Variants in WWC2 observed in about 807,000 individuals in gnomAD.
The protein encoded by WWC2 is protein WWC2.
Under a neutral mutation model 138.5 loss-of-function variants are expected in WWC2, and 101 were observed. The observed-to-expected ratio is 0.73, with a 90% CI of 0.62 to 0.86. The LOEUF (loss-of-function observed/expected upper bound fraction) is 0.86, where lower values mean the gene tolerates loss of function less well. WWC2 is among the 40% of genes least tolerant of loss of function. WWC2 has a pLI of 0.00. For synonymous variants in WWC2, 558 were observed against 538.4 expected (o/e 1.04, Z -0.50); for missense variants, 1,420 against 1,419.4 (o/e 1.00, Z -0.01).
chr4:183,139,729 A>T (rs925221454), intron 1 of WWC2, among the ~76,000 whole-genome samples: 1 of 152,198 alleles, frequency 6.6e-6, no homozygotes, highest in Non-Finnish European at 1.5e-5. Flanking sequence ...GTACACACAC[A>T]TATGCATTCA....
At chr4:183,117,305 C>G (rs577322453) in intron 1 of WWC2, among the ~76,000 whole-genome samples, 4 of 147,020 alleles carry the variant, frequency 2.7e-5, no homozygotes, top group African/African-American at 1.0e-4. Context: ...ACTGCAACCT[C>G]TGCCTCCTGG....
At chr4:183,253,244 C>CT (rs1560868128) in intron 8 of WWC2, among the ~76,000 whole-genome samples, 1 of 152,168 alleles carries the variant, frequency 6.6e-6, no homozygotes, top group African/African-American at 2.4e-5. Context: ...CCCTGACTTA[C>CT]TAATGCCCTA....
intron 4 of WWC2, among the ~76,000 whole-genome samples, chr4:183,222,103 A>G (rs771362556): frequency 3.9e-5 from 6 of 152,224 alleles, no homozygotes; most frequent in Non-Finnish European, 5.9e-5. Flanking sequence ...TTTCAAAAAC[A>G]GTGAAAGTTT....
At chr4:183,113,212 C>T (rs998610453) in intron 1 of WWC2, among the ~76,000 whole-genome samples, 1 of 151,956 alleles carries the variant, frequency 6.6e-6, no homozygotes, top group Non-Finnish European at 1.5e-5. Flanking sequence ...GCGGAGGTTG[C>T]AGTGAGCTGA....
chr4:183,267,310 T>C (rs563092803), intron 14 of WWC2, among the ~76,000 whole-genome samples: 3 of 152,194 alleles, frequency 2.0e-5, no homozygotes, highest in South Asian at 4.2e-4. Flanking sequence ...CACATAGAAG[T>C]GCCTAGATCA....
intron 21 of WWC2, among the ~76,000 whole-genome samples, chr4:183,307,802 G>A (rs990821856): frequency 6.6e-6 from 1 of 152,192 alleles, no homozygotes; most frequent in Admixed American, 6.5e-5. Context: ...GACTAGGAAC[G>A]GAGTAAAACT....
intron 16 of WWC2, among the ~76,000 whole-genome samples, chr4:183,278,587 A>T (rs1737948377): frequency 6.6e-6 from 1 of 151,646 alleles, no homozygotes; most frequent in South Asian, 2.1e-4. Flanking sequence ...CATTTTCACG[A>T]TATTGATTCT....
At chr4:183,284,042 AC>A (rs1329266374) in intron 18 of WWC2, among the ~76,000 whole-genome samples, 183 bp from the exon 19 acceptor site, 3 of 152,220 alleles carry the variant, frequency 2.0e-5, no homozygotes, top group South Asian at 2.1e-4. Context: ...AAACTGAAGA[AC>A]AATTCTCCCC....
chr4:183,320,441 A>G lies in WWC2; in HGVS notation c.*4712A>G. 1 of 580,804 alleles carries G rather than the reference A, an allele frequency of 1.7e-6. No homozygotes were observed. The highest frequency in any genetic ancestry group is 3.1e-6 in the Non-Finnish European group (1 of 324,442). The allele number at this position is 580,804 out of a possible 1,614,324, so 36.0% of individuals were successfully genotyped here. On this transcript the variant is annotated 3_prime_UTR_variant, in exon 23 of 23. Transcript: ENST00000403733. The stretch of plus-strand genomic sequence containing the variant: ...AACCAGTAATGCCAAGGTGTGGCCA[A>G]GATTGTGTTTGTGTCCTGTGGGCTG...
chr4:183,213,352 C>T (rs949469098), intron 4 of WWC2, among the ~76,000 whole-genome samples: 7 of 152,310 alleles, frequency 4.6e-5, no homozygotes, highest in Admixed American at 6.5e-5. Flanking sequence ...ATCCCTTTCA[C>T]GAATTAATGC....
intron 1 of WWC2, among the ~76,000 whole-genome samples, chr4:183,107,685 C>G (rs1271370505): frequency 6.6e-6 from 1 of 152,072 alleles, no homozygotes; most frequent in Non-Finnish European, 1.5e-5. Flanking sequence ...TTTTTAGTCT[C>G]ACATTGCTCT....
At chr4:183,204,869 G>A (rs1735402061) in intron 2 of WWC2, among the ~76,000 whole-genome samples, 1 of 152,114 alleles carries the variant, frequency 6.6e-6, no homozygotes, top group Non-Finnish European at 1.5e-5. Flanking sequence ...TACAGCATGT[G>A]GTCTTTTGTG....
At chr4:183,277,442 C>T (rs1166182045) in intron 16 of WWC2, among the ~76,000 whole-genome samples, 11 of 150,592 alleles carry the variant, frequency 7.3e-5, no homozygotes, top group Admixed American at 2.0e-4. Context: ...AATAAACATA[C>T]GTGTGCATGT....
At chr4:183,278,190 C>G (rs28849820) in intron 16 of WWC2, among the ~76,000 whole-genome samples, 1 of 151,232 alleles carries the variant, frequency 6.6e-6, no homozygotes, top group Non-Finnish European at 1.5e-5. Context: ...TCAGCTTTCT[C>G]CATATGGCTA....
At position 183,227,954 on chromosome 4, in the gene WWC2, G is replaced by A. The variant is rs530137799; in HGVS notation, c.523-12229G>A. Among the ~76,000 whole-genome samples, 9 of 151,984 alleles carry A rather than the reference G, an allele frequency of 5.9e-5. No individual in the cohort carries two copies. The East Asian group carries it at 1.2e-3, about 20-fold the overall frequency. On this transcript the variant is annotated intron_variant, in intron 4 of 22. Coordinates refer to ENST00000403733, the MANE Select transcript of WWC2 (RefSeq NM_024949.6). ...ATGAGTCTAATATAAGATGATAAACGTAAATCTCAGTGTATCAATAATTAG... is the reference window on the plus strand; with the variant it reads ...ATGAGTCTAATATAAGATGATAAACATAAATCTCAGTGTATCAATAATTAG...
At chr4:183,176,337 C>T (rs373816939) in intron 1 of WWC2, among the ~76,000 whole-genome samples, 1 of 152,126 alleles carries the variant, frequency 6.6e-6, no homozygotes, top group African/African-American at 2.4e-5. Flanking sequence ...CTTGAAATTC[C>T]AGCCCCGGAG....
At chr4:183,102,868 CT>C (rs779381709) in intron 1 of WWC2, among the ~76,000 whole-genome samples, 1,554 of 118,746 alleles carry the variant, frequency 0.013, 10 homozygotes, top group African/African-American at 0.03. Context: ...TGGCCTGGTG[CT>C]TTTTTTTTTT....
intron 1 of WWC2, among the ~76,000 whole-genome samples, chr4:183,191,135 C>T (rs895688162): frequency 9.2e-5 from 14 of 151,866 alleles, no homozygotes; most frequent in Non-Finnish European, 5.9e-5. Context: ...GTCAAAGAGA[C>T]CATGTATGTA....
intron 1 of WWC2, among the ~76,000 whole-genome samples, chr4:183,153,233 G>A (rs1579992050): frequency 6.6e-6 from 1 of 152,102 alleles, no homozygotes; most frequent in East Asian, 1.9e-4. Flanking sequence ...GGGACTTTTA[G>A]GCTGTTGATG....
Sources: allele counts gnomAD v4.1 joint callset (sites outside exome capture counted in the v4.1 genomes callset), GRCh38; gene constraint gnomAD v4.1.1; transcripts MANE v1.5; gene names NCBI Gene and HGNC (gene_info 2026-07-23, HGNC 2026-07-21).